PDIK1L: variants seen among roughly 807,000 people sequenced by gnomAD.
PDIK1L encodes PDLIM1 interacting kinase 1 like, also known as serine/threonine-protein kinase PDIK1L.
In PDIK1L, 9 loss-of-function variants were observed where a neutral mutation model predicts 27.1. The observed-to-expected ratio is 0.33, with a 90% confidence interval of 0.20 to 0.58. The LOEUF is 0.58. PDIK1L is among the 20% of genes least tolerant of loss of function. The probability of loss-of-function intolerance (pLI) is 0.86; values close to 1 mark genes in which losing one functional copy is unlikely to be tolerated. For synonymous variants in PDIK1L, 130 were observed against 141.7 expected, an observed-to-expected ratio of 0.92 and a Z score of 0.59; for missense variants, 216 against 413.2, an observed-to-expected ratio of 0.52 and a Z score of 4.14.
intron 2 of PDIK1L, among the ~76,000 whole-genome samples, chr1:26,120,527 C>G (rs2087961322): frequency 1.3e-5 from 2 of 152,180 alleles, no homozygotes; most frequent in Admixed American, 1.3e-4. Flanking sequence ...CTTGTGCTTT[C>G]CCAGATGGTA....
intron 1 of PDIK1L, among the ~76,000 whole-genome samples, chr1:26,113,566 A>G (rs1015924993): frequency 2.6e-5 from 4 of 151,822 alleles, no homozygotes; most frequent in Non-Finnish European, 4.4e-5. Context: ...TGTGTAAGAA[A>G]TAAGGAGATG....
intron 2 of PDIK1L, among the ~76,000 whole-genome samples, chr1:26,120,783 C>T (rs1262902407): frequency 1.3e-5 from 2 of 152,094 alleles, no homozygotes; most frequent in Admixed American, 6.5e-5. Flanking sequence ...GAAACCCCGT[C>T]TCTACTAAAA....
At chr1:26,112,743 C>T (rs1051077587) in intron 1 of PDIK1L, 3 of 152,242 alleles carry the variant, frequency 2.0e-5, no homozygotes, top group African/African-American at 7.2e-5. Flanking sequence ...AGCAGTGGAT[C>T]CCAACTTCTC....
At position 26,125,337 on chromosome 1, in the gene PDIK1L, A is replaced by G. The variant is rs756359892; in HGVS notation, c.*2760A>G. On this transcript the variant is annotated 3_prime_UTR_variant, in exon 3 of 3. Coordinates refer to ENST00000374269, the MANE Select transcript of PDIK1L (RefSeq NM_152835.5). ...ATTGTAAATTGTTATCAATCAAACT[A>G]TTGTAGCAGCTACAAAGTAATTCAC... The G allele has an allele frequency of 6.6e-6, 1 of 152,630 alleles. No individual in the cohort carries two copies. Among genetic ancestry groups the G allele is most frequent in the African/African-American group, 2.4e-5 (1 of 41,458 alleles). 9.5% of individuals were successfully genotyped at this position (152,630 alleles called of 1,614,324 possible).
chr1:26,115,330 T>C (rs945788330), intron 2 of PDIK1L, among the ~76,000 whole-genome samples: 2 of 152,248 alleles, frequency 1.3e-5, no homozygotes. Context: ...CAGCTGAAGC[T>C]TATGCTTTCT....
chr1:26,113,199 A>C (rs1054853284), intron 1 of PDIK1L, among the ~76,000 whole-genome samples: 24 of 152,336 alleles, frequency 1.6e-4, no homozygotes, highest in Non-Finnish European at 3.2e-4. Flanking sequence ...TTTTTAAGTA[A>C]ATGTTTCTGG....
chr1:26,121,735 C>A, intron 2 of PDIK1L, 102 bp from the exon 3 acceptor site: 1 of 1,220,482 alleles, frequency 8.2e-7, no homozygotes, highest in Non-Finnish European at 1.1e-6. Context: ...AGAGTTTCCA[C>A]TTAAAGGTGG....
rs911985632 is a variant in PDIK1L at position 26,123,748 on chromosome 1, A to G, written c.*1171A>G. The G allele has an allele frequency of 7.2e-5, 11 of 152,660 alleles. No individual in the cohort carries two copies. Among genetic ancestry groups the G allele is most frequent in the African/African-American group, 2.7e-4 (11 of 41,468 alleles). The allele number at this position is 152,660 out of a possible 1,614,324, so 9.5% of individuals were successfully genotyped here. A position where few individuals can be genotyped will look rare whatever the true frequency, so the allele number is the denominator to read the frequency against. On this transcript the variant is annotated 3_prime_UTR_variant, in exon 3 of 3. Transcript: ENST00000374269. Reference sequence around the variant, plus strand: ...ATCTAAAGTGGGAGAAGATACATACACAGTATGGCAAATGGATAAAATATT... The same window carrying G: ...ATCTAAAGTGGGAGAAGATACATACGCAGTATGGCAAATGGATAAAATATT...
At chr1:26,113,729 T>C (rs990687670) in intron 1 of PDIK1L, among the ~76,000 whole-genome samples, 5 of 152,102 alleles carry the variant, frequency 3.3e-5, no homozygotes, top group Admixed American at 6.6e-5. Context: ...GTGAGGGGGT[T>C]TTGTTTTTGC....
Position 26,122,057 on chromosome 1 carries a change from A to G in PDIK1L, c.506A>G (p.Asn169Ser), listed in dbSNP as rs2124475064. 1 of 1,614,056 alleles carries G rather than the reference A, an allele frequency of 6.2e-7. No homozygotes were observed. Among genetic ancestry groups the G allele is most frequent in the Non-Finnish European group, 8.5e-7 (1 of 1,180,014 alleles). The change falls in exon 3 of 3, where the codon AAC becomes AGC. Residue 169 changes from asparagine to serine, a missense_variant. Around this residue, in one of 2 missense-constraint regions of PDIK1L, gnomAD observed 169 missense variants for 366.0 expected, o/e 0.46. Transcript: ENST00000374269. The surrounding 1 kb of genome is among the most constrained non-coding windows in gnomAD (Gnocchi z 5.4). ...QIIHRDLKPD[N>S]ILISQTRLDT... is the part of the protein sequence containing the mutation. Reference sequence around the variant, plus strand: ...ATCCACCGAGATCTTAAGCCTGATAACATCCTGATTTCTCAAACCAGGTTG... The same window carrying G: ...ATCCACCGAGATCTTAAGCCTGATAGCATCCTGATTTCTCAAACCAGGTTG...
chr1:26,122,066 TTTC>T lies in PDIK1L; in HGVS notation c.517_519del (p.Ser173del). On this transcript the variant is annotated inframe_deletion, in exon 3 of 3. Transcript: ENST00000374269. The surrounding 1 kb of genome is among the most constrained non-coding windows in gnomAD (Gnocchi z 5.4). ...GATCTTAAGCCTGATAACATCCTGA[TTTC>T]TCAAACCAGGTTGGATACCAGTGAC... The T allele has an allele frequency of 1.2e-6, 2 of 1,613,886 alleles. No individual in the cohort carries two copies.
At chr1:26,119,013 G>A (rs12088601) in intron 2 of PDIK1L, among the ~76,000 whole-genome samples, 29,817 of 152,184 alleles carry the variant, frequency 0.2, 3,396 homozygotes, top group African/African-American at 0.3. Flanking sequence ...TCTCATGCAT[G>A]GGAACCTAGT....
rs906948844 is a variant in PDIK1L, at chr1:26,124,088, T to G, written c.*1511T>G. 6.6e-6 allele frequency: 1 copy of G among 152,648 alleles called. No individual in the cohort carries two copies. The allele number at this position is 152,648 out of a possible 1,614,324, so 9.5% of individuals were successfully genotyped here. ...AGAATATTGAAATTATTGATAGCTTTCATAATCTCAGCTTTTTTGAACTTC... is the reference window on the plus strand; with the variant it reads ...AGAATATTGAAATTATTGATAGCTTGCATAATCTCAGCTTTTTTGAACTTC... On this transcript the variant is annotated 3_prime_UTR_variant, in exon 3 of 3. Transcript: ENST00000374269.
intron 1 of PDIK1L, among the ~76,000 whole-genome samples, chr1:26,113,518 AAG>A (rs1043818881): frequency 1.3e-5 from 2 of 151,388 alleles, no homozygotes; most frequent in Non-Finnish European, 2.9e-5. Flanking sequence ...AAAAAAAAAA[AAG>A]AAACGTTTCT....
At chr1:26,116,365 T>G (rs1002914853) in intron 2 of PDIK1L, among the ~76,000 whole-genome samples, 39 of 150,694 alleles carry the variant, frequency 2.6e-4, no homozygotes, top group Non-Finnish European at 5.5e-4. Flanking sequence ...AGTGCAAAAA[T>G]TAGCCAGGCA....
Position 26,114,672 on chromosome 1 carries a change from G to A in PDIK1L, c.285+79G>A, listed in dbSNP as rs918015654. 12 of 1,467,318 alleles carry A rather than the reference G, an allele frequency of 8.2e-6. No homozygotes were observed. Among genetic ancestry groups the A allele is most frequent in the Middle Eastern group, 4.7e-4 (2 of 4,244 alleles). 90.9% of individuals were successfully genotyped at this position (1,467,318 alleles called of 1,614,324 possible). Reference sequence around the variant, plus strand: ...AAGAAGAGGAATGAAAGGGTCAGACGAACGTTTCCCTTTAAATGCAGGTGT... The same window carrying A: ...AAGAAGAGGAATGAAAGGGTCAGACAAACGTTTCCCTTTAAATGCAGGTGT... On this transcript the variant is annotated intron_variant, in intron 2 of 2. Transcript: ENST00000374269. The surrounding 1 kb of genome is among the most constrained non-coding windows in gnomAD (Gnocchi z 4.8).
At chr1:26,118,057 C>CAAA (rs763719360) in intron 2 of PDIK1L, among the ~76,000 whole-genome samples, 1 of 103,002 alleles carries the variant, frequency 9.7e-6, no homozygotes, top group Non-Finnish European at 2.1e-5. Context: ...GACCCTGTCT[C>CAAA]AAAAAAAAAA....
In PDIK1L at chr1:26,114,439, C is replaced by A. The variant is rs1360955759; in HGVS notation, c.131C>A (p.Pro44His). The change falls in exon 2 of 3, where the codon CCT becomes CAT. Residue 44 changes from proline (P) to histidine (H), a missense_variant. By Grantham distance (77) the Pro-to-His change is moderately conservative (BLOSUM62 -2). This residue lies in a region of PDIK1L where 169 missense variants were observed against 366.0 expected (regional missense o/e 0.46). Transcript: ENST00000374269. The surrounding 1 kb of genome is among the most constrained non-coding windows in gnomAD (Gnocchi z 4.8). ...VAVKKIRCHA[P>H]ENVELALREF... ...GTGAAGAAAATTCGATGTCACGCAC[C>A]TGAAAATGTTGAACTAGCCCTTCGT... 6.2e-7 allele frequency: 1 copy of A among 1,613,960 alleles called. No individual in the cohort carries two copies. Among genetic ancestry groups the A allele is most frequent in the Non-Finnish European group, 8.5e-7 (1 of 1,179,994 alleles).
At chr1:26,119,597 T>C (rs2087942525) in intron 2 of PDIK1L, among the ~76,000 whole-genome samples, 1 of 152,184 alleles carries the variant, frequency 6.6e-6, no homozygotes, top group Non-Finnish European at 1.5e-5. Context: ...GCGCAGTGGC[T>C]CACACCTGTA....
Sources: allele counts gnomAD v4.1 joint callset (sites outside exome capture counted in the v4.1 genomes callset), GRCh38; gene constraint gnomAD v4.1.1; regional missense constraint gnomAD v4.1.1; non-coding constraint Gnocchi (gnomAD v3.1); transcripts MANE v1.5; gene names NCBI Gene and HGNC (gene_info 2026-07-23, HGNC 2026-07-21).